The following GPC5 variants were observed in gnomAD, a reference collection of about 807,000 sequenced individuals.
GPC5 encodes the protein glypican-5.
In GPC5, 47 loss-of-function variants were observed where a neutral mutation model predicts 53.9. The ratio of observed to expected loss-of-function variants is 0.87; its 90% CI spans 0.69 to 1.11. The LOEUF is 1.11. Ranked by LOEUF, GPC5 falls within the 50% of genes most tolerant of loss-of-function variation. The probability of loss-of-function intolerance (pLI) is 0.00; values close to 1 mark genes in which losing one functional copy is unlikely to be tolerated. For missense variants in GPC5, 748 were observed against 713.1 expected, an observed-to-expected ratio of 1.05 and a Z score of -0.56; for synonymous variants, 286 against 263.3, an observed-to-expected ratio of 1.09 and a Z score of -0.84.
At chr13:92,640,249 C>G (rs541330757) in intron 7 of GPC5, among the ~76,000 whole-genome samples, 2 of 151,810 alleles carry the variant, frequency 1.3e-5, no homozygotes, top group South Asian at 4.2e-4. Context: ...GAACTTTGTG[C>G]CCAGATGTTG....
intron 5 of GPC5, among the ~76,000 whole-genome samples, chr13:91,792,406 A>C (rs2037980191): frequency 6.6e-6 from 1 of 152,216 alleles, no homozygotes; most frequent in African/African-American, 2.4e-5. Context: ...TTTCTCCCAC[A>C]GGAATTAAGA....
At chr13:92,815,805 T>TA (rs1259777998) in intron 7 of GPC5, among the ~76,000 whole-genome samples, 1 of 151,614 alleles carries the variant, frequency 6.6e-6, no homozygotes, top group East Asian at 1.9e-4. Flanking sequence ...TATGAGAAGG[T>TA]AAAAAATCAC....
chr13:92,371,357 A>G (rs987466406), intron 7 of GPC5, among the ~76,000 whole-genome samples: 12 of 152,180 alleles, frequency 7.9e-5, no homozygotes, highest in African/African-American at 2.9e-4. Flanking sequence ...ATTTTAAGAA[A>G]TTATGGTGAT....
intron 7 of GPC5, among the ~76,000 whole-genome samples, chr13:92,740,248 C>T (rs893496995): frequency 2.6e-5 from 4 of 152,076 alleles, no homozygotes; most frequent in Admixed American, 2.0e-4. Context: ...ATTAGTAAGA[C>T]TCCCCTTTAC....
At chr13:92,037,633 C>G (rs989704765) in intron 6 of GPC5, among the ~76,000 whole-genome samples, 1 of 152,158 alleles carries the variant, frequency 6.6e-6, no homozygotes, top group African/African-American at 2.4e-5. Context: ...AGAATAGTGC[C>G]TGACTGGCAC....
chr13:91,790,318 A>G (rs904541775), intron 5 of GPC5, among the ~76,000 whole-genome samples: 2 of 152,204 alleles, frequency 1.3e-5, no homozygotes, highest in Admixed American at 1.3e-4. Context: ...TGCCCAAGGC[A>G]TACACTCTTA....
chr13:91,622,528 C>A (rs1386254566), intron 2 of GPC5, among the ~76,000 whole-genome samples: 1 of 151,940 alleles, frequency 6.6e-6, no homozygotes, highest in African/African-American at 2.4e-5. Context: ...TCACGAAGTA[C>A]TATAAAAAAG....
At chr13:92,785,306 CT>C (rs1876186195) in intron 7 of GPC5, among the ~76,000 whole-genome samples, 1 of 151,984 alleles carries the variant, frequency 6.6e-6, no homozygotes, top group Non-Finnish European at 1.5e-5. Context: ...AGAAGAAACC[CT>C]TTCTCATCAT....
Position 91,778,120 on chromosome 13 carries a change from A to C in GPC5, c.1280+21700A>C, listed in dbSNP as rs1316180053. On this transcript the variant is annotated intron_variant, in intron 5 of 7. Coordinates refer to ENST00000377067, the MANE Select transcript of GPC5 (RefSeq NM_004466.6). ...ACAAACTCCTATAAGTAAAATTTTC[A>C]GAGAGGATTTTCAGAATTCTTAAAA... Among the ~76,000 whole-genome samples the C allele has an allele frequency of 2.0e-5, 3 of 152,196 alleles. No homozygotes were observed. The South Asian group carries it at 6.2e-4, about 32-fold the overall frequency.
intron 5 of GPC5, among the ~76,000 whole-genome samples, chr13:91,893,165 C>A (rs745706149): frequency 2.6e-5 from 4 of 151,988 alleles, no homozygotes; most frequent in Non-Finnish European, 4.4e-5. Context: ...TGTTTCTAGG[C>A]AGATTTGATA....
chr13:92,683,098 A>C (rs1887156300), intron 7 of GPC5, among the ~76,000 whole-genome samples: 1 of 152,164 alleles, frequency 6.6e-6, no homozygotes, highest in Admixed American at 6.6e-5. Context: ...GAATGATTAG[A>C]TATGAAGTGG....
At chr13:91,562,272 A>G (rs929679123) in intron 2 of GPC5, among the ~76,000 whole-genome samples, 36 of 151,544 alleles carry the variant, frequency 2.4e-4, no homozygotes, top group African/African-American at 8.7e-4. Flanking sequence ...AGCCCCAAAT[A>G]TCTGATGATC....
intron 7 of GPC5, among the ~76,000 whole-genome samples, chr13:92,236,115 T>A (rs2042567833): frequency 6.6e-6 from 1 of 152,092 alleles, no homozygotes; most frequent in Non-Finnish European, 1.5e-5. Context: ...ACCAATTTAA[T>A]AGAATCTTCT....
At chr13:91,878,035 T>C (rs530959547) in intron 5 of GPC5, among the ~76,000 whole-genome samples, 23 of 152,272 alleles carry the variant, frequency 1.5e-4, no homozygotes, top group African/African-American at 5.1e-4. Context: ...TGCCTCCCCC[T>C]GTGATTCTGA....
At chr13:91,873,479 G>A (rs2039169999) in intron 5 of GPC5, among the ~76,000 whole-genome samples, 1 of 152,056 alleles carries the variant, frequency 6.6e-6, no homozygotes, top group Non-Finnish European at 1.5e-5. Context: ...CCTTTCCCGT[G>A]CTGTTCTTAT....
chr13:92,054,985 G>A (rs182446255), intron 6 of GPC5, among the ~76,000 whole-genome samples: 2 of 152,168 alleles, frequency 1.3e-5, no homozygotes, highest in East Asian at 3.9e-4. Flanking sequence ...GATATAAAAA[G>A]GCCAATCACA....
intron 6 of GPC5, among the ~76,000 whole-genome samples, chr13:92,114,043 T>G (rs1293929783): frequency 1.3e-5 from 2 of 152,238 alleles, no homozygotes; most frequent in African/African-American, 4.8e-5. Flanking sequence ...GTTTTCAATT[T>G]CAGTATAGAT....
intron 2 of GPC5, among the ~76,000 whole-genome samples, chr13:91,471,408 T>C (rs1251377203): frequency 6.6e-6 from 1 of 152,140 alleles, no homozygotes; most frequent in Non-Finnish European, 1.5e-5. Context: ...AACAGATTAA[T>C]GGACCTTTGG....
At chr13:92,394,563 C>T (rs953734751) in intron 7 of GPC5, among the ~76,000 whole-genome samples, 2 of 152,190 alleles carry the variant, frequency 1.3e-5, no homozygotes, top group African/African-American at 4.8e-5. Context: ...CTCAGACCCC[C>T]AGCCTCTAGA....
Sources: allele counts gnomAD v4.1 joint callset (sites outside exome capture counted in the v4.1 genomes callset), GRCh38; gene constraint gnomAD v4.1.1; transcripts MANE v1.5; gene names NCBI Gene and HGNC (gene_info 2026-07-23, HGNC 2026-07-21).